The following FAM78B variants were observed in gnomAD, a reference collection of about 807,000 sequenced individuals.
FAM78B encodes family with sequence similarity 78 member B, also known as protein FAM78B.
Under a neutral mutation model 20.0 loss-of-function variants are expected in FAM78B, and 10 were observed. The observed-to-expected ratio is 0.50, with a 90% confidence interval of 0.31 to 0.85. FAM78B has a LOEUF of 0.85. Among genes scored for constraint, FAM78B ranks in the 40% least tolerant of loss-of-function variants. The pLI, the probability that FAM78B is intolerant of heterozygous loss-of-function variation, is 0.05. For synonymous variants in FAM78B, 135 were observed against 132.8 expected, an observed-to-expected ratio of 1.02 and a Z score of -0.12; for missense variants, 283 against 345.0, an observed-to-expected ratio of 0.82 and a Z score of 1.42.
chr1:166,134,998 T>C (rs1487975925), intron 1 of FAM78B, among the ~76,000 whole-genome samples: 1 of 152,220 alleles, frequency 6.6e-6, no homozygotes. Flanking sequence ...ATCTTTCACC[T>C]GAAGAATTAT....
chr1:166,070,017 T>C lies in FAM78B; in HGVS notation c.*224A>G. The C allele has an allele frequency of 8.1e-7, 1 of 1,238,662 alleles. No individual in the cohort carries two copies. Among genetic ancestry groups the C allele is most frequent in the Non-Finnish European group, 1.0e-6 (1 of 989,586 alleles). 76.7% of individuals were successfully genotyped at this position (1,238,662 alleles called of 1,614,324 possible). On this transcript the variant is annotated 3_prime_UTR_variant, in exon 2 of 2. Transcript: ENST00000354422. ...ACTTGCATGGTAATCACAGCAAGTCTGTCAAATCAGTGATTTCTTTATTCC... is the reference window on the plus strand; with the variant it reads ...ACTTGCATGGTAATCACAGCAAGTCCGTCAAATCAGTGATTTCTTTATTCC...
chr1:166,120,039 C>T (rs1654410186), intron 1 of FAM78B, among the ~76,000 whole-genome samples: 1 of 152,216 alleles, frequency 6.6e-6, no homozygotes, highest in Non-Finnish European at 1.5e-5. Context: ...AAAGTCAGCT[C>T]CTCACAGCTG....
At chr1:166,074,942 TTGGAATAGAGATAG>T (rs966991594) in intron 1 of FAM78B, among the ~76,000 whole-genome samples, 3 of 152,174 alleles carry the variant, frequency 2.0e-5, no homozygotes, top group African/African-American at 7.2e-5. Context: ...TATGAACACT[TTGGAATAGAGATAG>T]GCATTCCAGG....
chr1:166,099,740 A>G (rs1406862921), intron 1 of FAM78B, among the ~76,000 whole-genome samples: 2 of 152,230 alleles, frequency 1.3e-5, no homozygotes, highest in Non-Finnish European at 2.9e-5. Flanking sequence ...TTCTAAACAT[A>G]TATGTACCTA....
chr1:166,122,416 T>A (rs1478373702), intron 1 of FAM78B, among the ~76,000 whole-genome samples: 1 of 152,218 alleles, frequency 6.6e-6, no homozygotes, highest in Non-Finnish European at 1.5e-5. Context: ...CACCTCTATC[T>A]AAATTGGGTA....
At chr1:166,160,168 ACTGTG>A (rs1656088334) in intron 1 of FAM78B, among the ~76,000 whole-genome samples, 2 of 152,192 alleles carry the variant, frequency 1.3e-5, no homozygotes, top group Non-Finnish European at 2.9e-5. Flanking sequence ...AAAATGCCCA[ACTGTG>A]TGACCATCTC....
chr1:166,151,728 T>A (rs1043831963), intron 1 of FAM78B, among the ~76,000 whole-genome samples: 25 of 152,242 alleles, frequency 1.6e-4, no homozygotes, highest in African/African-American at 5.5e-4. Flanking sequence ...ACTCAACTGT[T>A]CAACCATTCG....
At chr1:166,140,751 T>G (rs1271659948) in intron 1 of FAM78B, among the ~76,000 whole-genome samples, 1 of 152,208 alleles carries the variant, frequency 6.6e-6, no homozygotes, top group East Asian at 1.9e-4. Flanking sequence ...AAGCCTTTTT[T>G]GGGGGTATGA....
chr1:166,128,674 C>T (rs899085679), intron 1 of FAM78B, among the ~76,000 whole-genome samples: 4 of 152,188 alleles, frequency 2.6e-5, no homozygotes, highest in African/African-American at 4.8e-5. Context: ...GTTTGGTCTT[C>T]GGGCATCTCT....
intron 2 of FAM78B, among the ~76,000 whole-genome samples, chr1:166,063,173 C>A (rs190300406): frequency 6.6e-6 from 1 of 152,196 alleles, no homozygotes; most frequent in Non-Finnish European, 1.5e-5. Context: ...GGGGAAAATG[C>A]GCAGCTCCCA....
intron 1 of FAM78B, among the ~76,000 whole-genome samples, chr1:166,072,594 T>C (rs1298432976): frequency 6.6e-6 from 1 of 152,200 alleles, no homozygotes; most frequent in African/African-American, 2.4e-5. Flanking sequence ...GTTCATGAAA[T>C]AACCATACTG....
intron 1 of FAM78B, among the ~76,000 whole-genome samples, chr1:166,127,590 T>C (rs1654691084): frequency 6.6e-6 from 1 of 152,212 alleles, no homozygotes; most frequent in Non-Finnish European, 1.5e-5. Flanking sequence ...AGGTGCTCAA[T>C]AAATAGCTGT....
At chr1:166,093,692 TC>T (rs1428046390) in intron 1 of FAM78B, among the ~76,000 whole-genome samples, 1 of 151,938 alleles carries the variant, frequency 6.6e-6, no homozygotes, top group African/African-American at 2.4e-5. Context: ...AGAATTCTGA[TC>T]AGCCGAGGCT....
intron 1 of FAM78B, among the ~76,000 whole-genome samples, chr1:166,099,060 C>T (rs1653397028): frequency 6.6e-6 from 1 of 152,170 alleles, no homozygotes; most frequent in Admixed American, 6.5e-5. Context: ...AGCAGAAACC[C>T]TACAAGCTAG....
intron 1 of FAM78B, among the ~76,000 whole-genome samples, chr1:166,096,058 TA>T (rs1420411693): frequency 2.6e-5 from 4 of 152,038 alleles, no homozygotes; most frequent in Non-Finnish European, 5.9e-5. Context: ...TTAGAGTAAA[TA>T]AAAAAGATCA....
At chr1:166,126,456 A>G (rs1654645890) in intron 1 of FAM78B, among the ~76,000 whole-genome samples, 1 of 152,174 alleles carries the variant, frequency 6.6e-6, no homozygotes, top group South Asian at 2.1e-4. Flanking sequence ...GAGCAGGTAA[A>G]AGAGACTGGG....
In FAM78B at chr1:166,142,492, A is replaced by G. The variant is rs1318292455; in HGVS notation, c.263+23494T>C. Among the ~76,000 whole-genome samples the G allele has an allele frequency of 3.3e-5, 5 of 152,238 alleles. No individual in the cohort carries two copies. The East Asian group carries it at 9.6e-4, about 29-fold the overall frequency. ...GGCATTGACATATGTATGGTGCACA[A>G]TGGGATTCCTCCCCTCAAGGATCTT... On this transcript the variant is annotated intron_variant, in intron 1 of 1. Transcript: ENST00000354422.
intron 1 of FAM78B, among the ~76,000 whole-genome samples, chr1:166,163,538 T>C (rs1316924574): frequency 6.6e-6 from 1 of 152,224 alleles, no homozygotes; most frequent in Non-Finnish European, 1.5e-5. Context: ...CCTTTCACCA[T>C]ATTGTGGTTC....
chr1:166,079,357 C>T (rs182963474), intron 1 of FAM78B, among the ~76,000 whole-genome samples: 1 of 152,306 alleles, frequency 6.6e-6, no homozygotes, highest in Admixed American at 6.5e-5. Flanking sequence ...TACCTAGGAT[C>T]TCAATATTTC....
Sources: gnomAD v4.1 joint callset for allele counts (sites outside exome capture counted in the v4.1 genomes callset) on GRCh38, gnomAD v4.1.1 for gene constraint, MANE v1.5 for transcripts, NCBI Gene and HGNC (gene_info 2026-07-23, HGNC 2026-07-21) for gene names.